The following IFFO2 variants were observed in gnomAD, a reference collection of about 807,000 sequenced individuals.
IFFO2 encodes intermediate filament family orphan 2.
Under a neutral mutation model 53.5 loss-of-function variants are expected in IFFO2, and 19 were observed. The observed-to-expected ratio is 0.36, with a 90% confidence interval of 0.25 to 0.52. IFFO2 has a LOEUF of 0.52. IFFO2 is among the 20% of genes least tolerant of loss of function. The pLI is 0.94. For missense variants in IFFO2, 570 were observed against 727.4 expected (o/e 0.78, Z 2.49); for synonymous variants, 303 against 313.6 (o/e 0.97, Z 0.36).
At position 18,919,423 on chromosome 1, in the gene IFFO2, C is replaced by G. The variant is rs889878598; in HGVS notation, c.822+255G>C. Among the ~76,000 whole-genome samples, 31 of 138,440 alleles carry G rather than the reference C, an allele frequency of 2.2e-4. No individual in the cohort carries two copies. Among genetic ancestry groups the G allele is most frequent in the African/African-American group, 6.8e-4 (26 of 38,220 alleles). 90.8% of individuals were successfully genotyped at this position (138,440 alleles called of 152,430 possible). ...ACACACACAGACCATCAGGGGAGCCCGGGGGAGGGCGGGATAGGTTAAGCG... is the reference window on the plus strand; with the variant it reads ...ACACACACAGACCATCAGGGGAGCCGGGGGGAGGGCGGGATAGGTTAAGCG... On this transcript the variant is annotated intron_variant, in intron 3 of 8. Transcript: ENST00000455833. The surrounding 1 kb of genome is among the most constrained non-coding windows in gnomAD (Gnocchi z 4.9).
chr1:18,911,612 C>A, intron 6 of IFFO2, 136 bp from the exon 7 acceptor site: 1 of 407,264 alleles, frequency 2.5e-6, no homozygotes. Context: ...GATCTCGGCT[C>A]ACTACAACCT....
chr1:18,932,937 T>C (rs996579688), intron 1 of IFFO2, among the ~76,000 whole-genome samples: 11 of 152,214 alleles, frequency 7.2e-5, no homozygotes, highest in African/African-American at 1.4e-4. Context: ...TGAGCGAGCG[T>C]TGGGTGTTTC....
In IFFO2 at chr1:18,907,041, C is replaced by G. The variant is rs1198776619; in HGVS notation, c.*1520G>C. On this transcript the variant is annotated 3_prime_UTR_variant, in exon 9 of 9. Coordinates refer to ENST00000455833, the MANE Select transcript of IFFO2 (RefSeq NM_001136265.2). The stretch of plus-strand genomic sequence containing the variant: ...ACCACAATCCCAGTCAAACCCAGAG[C>G]CCCCTCCTTCTGCCTCCAGGCAAGG... 6.6e-6 allele frequency: 1 copy of G among 152,242 alleles called. No homozygotes were observed. The highest frequency in any genetic ancestry group is 2.4e-5 in the African/African-American group (1 of 41,440). The allele number at this position is 152,242 out of a possible 1,614,324, so 9.4% of individuals were successfully genotyped here.
chr1:18,931,524 A>G (rs930236729), intron 1 of IFFO2, among the ~76,000 whole-genome samples: 1 of 151,778 alleles, frequency 6.6e-6, no homozygotes, highest in Non-Finnish European at 1.5e-5. Context: ...CCAGTCCTGA[A>G]CCCACTCCTT....
At chr1:18,943,630 TC>T (rs1936548097) in intron 1 of IFFO2, among the ~76,000 whole-genome samples, 1 of 152,086 alleles carries the variant, frequency 6.6e-6, no homozygotes, top group Admixed American at 6.5e-5. Context: ...GGTATCATCA[TC>T]CCATCCCATC....
intron 5 of IFFO2, among the ~76,000 whole-genome samples, chr1:18,915,936 C>G: frequency 6.6e-6 from 1 of 151,748 alleles, no homozygotes; most frequent in Non-Finnish European, 1.5e-5. Context: ...ACCAGCCTGG[C>G]CAACGTGGTA....
At chr1:18,911,507 TTTTATTTA>T (rs71030110) in intron 6 of IFFO2, 31 bp from the exon 7 acceptor site, 22,719 of 527,832 alleles carry the variant, frequency 0.043, 744 homozygotes, top group Non-Finnish European at 0.048. Flanking sequence ...GGACAGTTTA[TTTTATTTA>T]TTTATTTATT....
At position 18,918,430 on chromosome 1, in the gene IFFO2, C is replaced by T. The variant is rs1936167671; in HGVS notation, c.895G>A (p.Asp299Asn). The T allele has an allele frequency of 6.4e-7, 1 of 1,560,818 alleles. No individual in the cohort carries two copies. The highest frequency in any genetic ancestry group is 8.7e-7 in the Non-Finnish European group (1 of 1,151,892). Residue 299 changes from aspartate (D) to asparagine (N), a missense_variant, in exon 4 of 9, where the codon GAT becomes AAT. Physicochemically the swap from Asp to Asn is conservative, Grantham distance 23. Transcript: ENST00000455833. The surrounding 1 kb of genome is among the most constrained non-coding windows in gnomAD (Gnocchi z 5.2). The stretch of plus-strand genomic sequence containing the variant: ...ACATCGCACAGCTTGGCCGTGATAT[C>T]GATTCGGCGGCAGATGTCCATGTCC... ...KVDMDICRRIDITAKLCDVAQ... is the reference protein window; with the variant it reads ...KVDMDICRRINITAKLCDVAQ...
In IFFO2 at chr1:18,956,052, C is replaced by A; in HGVS notation, c.281G>T (p.Arg94Leu). 1.4e-6 allele frequency: 2 copies of A among 1,473,742 alleles called. No individual in the cohort carries two copies. The allele number at this position is 1,473,742 out of a possible 1,614,324, so 91.3% of individuals were successfully genotyped here. The change falls in exon 1 of 9, where the codon CGG becomes CTG. Residue 94 changes from arginine to leucine, a missense_variant. Transcript: ENST00000455833. This position sits in a 1 kb window ranked among gnomAD's most constrained non-coding sequence, Gnocchi z 6.4. ...GGAGAAGGTCTTGTAGCGCAGCCGC[C>A]GCTCGCGCTCGCTCTGCTGCTGCTC... The part of the protein sequence containing the change: ...QLEQQQSERE[R>L]RLRYKTFSRE...
rs1041711273 is a variant in IFFO2, at chr1:18,908,774, G to A, written c.1449-108C>T. 16 of 792,710 alleles carry A rather than the reference G, an allele frequency of 2.0e-5. No homozygotes were observed. In the Admixed American group the frequency reaches 3.3e-4, roughly 16 times the overall value. The allele number at this position is 792,710 out of a possible 1,614,324, so 49.1% of individuals were successfully genotyped here. ...ACTTCTATAAGATCTACTCTCAGAG[G>A]GGCCTGGTCCTGAGCTCCTGCCTCA... On this transcript the variant is annotated intron_variant, in intron 8 of 8. Coordinates refer to ENST00000455833, the MANE Select transcript of IFFO2 (RefSeq NM_001136265.2).
chr1:18,919,409 C>T lies in IFFO2; in HGVS notation c.822+269G>A, dbSNP rs1050232425. Among the ~76,000 whole-genome samples, 36 of 152,112 alleles carry T rather than the reference C, an allele frequency of 2.4e-4. No individual in the cohort carries two copies. The highest frequency in any genetic ancestry group is 7.9e-4 in the African/African-American group (33 of 41,510). On this transcript the variant is annotated intron_variant, in intron 3 of 8. Transcript: ENST00000455833. This position sits in a 1 kb window ranked among gnomAD's most constrained non-coding sequence, Gnocchi z 4.9. The stretch of plus-strand genomic sequence containing the variant: ...AGGAGTGGGAGCAAACACACACAGA[C>T]CATCAGGGGAGCCCGGGGGAGGGCG...
At chr1:18,913,774 T>TG (rs1227703384) in intron 5 of IFFO2, among the ~76,000 whole-genome samples, 13 of 151,384 alleles carry the variant, frequency 8.6e-5, no homozygotes, top group Admixed American at 2.0e-4. Context: ...AGAATGGGGG[T>TG]GGGGGGTGAT....
At chr1:18,911,237 C>T (rs933628579) in intron 7 of IFFO2, 147 bp downstream of exon 7, 9 of 409,646 alleles carry the variant, frequency 2.2e-5, no homozygotes, top group Admixed American at 1.3e-4. Context: ...AGACATTACT[C>T]GCCCCGAGGC....
chr1:18,914,782 C>T (rs1936107083), intron 5 of IFFO2, among the ~76,000 whole-genome samples: 1 of 145,602 alleles, frequency 6.9e-6, no homozygotes, highest in African/African-American at 2.6e-5. Context: ...GAGATCGCAC[C>T]ACCACACTCC....
At chr1:18,927,572 C>T (rs937195293) in intron 1 of IFFO2, among the ~76,000 whole-genome samples, 4 of 152,242 alleles carry the variant, frequency 2.6e-5, no homozygotes, top group Non-Finnish European at 4.4e-5. Context: ...CCAGCCAATG[C>T]CCCTCAGCTC....
Position 18,956,063 on chromosome 1 carries a change from G to C in IFFO2, c.270C>G (p.Ser90Arg). The C allele has an allele frequency of 2.7e-6, 4 of 1,478,066 alleles. No homozygotes were observed. Among genetic ancestry groups the C allele is most frequent in the Non-Finnish European group, 3.6e-6 (4 of 1,101,884 alleles). 91.6% of individuals were successfully genotyped at this position (1,478,066 alleles called of 1,614,324 possible). ...LLEKQLEQQQ[S>R]ERERRLRYKT... ...TGTAGCGCAGCCGCCGCTCGCGCTC[G>C]CTCTGCTGCTGCTCCAGCTGCTTCT... The change falls in exon 1 of 9, where the codon AGC becomes AGG. Residue 90 changes from serine to arginine, a missense_variant. Physicochemically the swap from Ser to Arg is moderately radical, Grantham distance 110 (BLOSUM62 -1). Transcript: ENST00000455833. This position sits in a 1 kb window ranked among gnomAD's most constrained non-coding sequence, Gnocchi z 6.4.
chr1:18,914,270 T>C (rs1241272155), intron 5 of IFFO2, among the ~76,000 whole-genome samples: 1 of 152,256 alleles, frequency 6.6e-6, no homozygotes, highest in Non-Finnish European at 1.5e-5. Context: ...TTCTACACAC[T>C]GGAGCCTTTG....
At chr1:18,935,365 C>T (rs1050428800) in intron 1 of IFFO2, among the ~76,000 whole-genome samples, 4 of 152,240 alleles carry the variant, frequency 2.6e-5, no homozygotes, top group Non-Finnish European at 4.4e-5. Context: ...AACAAGGCCA[C>T]GTGCTAGGGT....
At chr1:18,938,743 G>A (rs1361784273) in intron 1 of IFFO2, among the ~76,000 whole-genome samples, 4 of 151,190 alleles carry the variant, frequency 2.6e-5, no homozygotes, top group African/African-American at 9.7e-5. Context: ...GTGGCCAGAG[G>A]ACAGCCTGCC....
Sources: gnomAD v4.1 joint callset for allele counts (sites outside exome capture counted in the v4.1 genomes callset) on GRCh38, gnomAD v4.1.1 for gene constraint, Gnocchi (gnomAD v3.1) non-coding constraint, MANE v1.5 for transcripts, NCBI Gene and HGNC (gene_info 2026-07-23, HGNC 2026-07-21) for gene names.